Variants in ARHGEF26 observed in about 807,000 individuals in gnomAD.
The protein encoded by ARHGEF26 is Rho guanine nucleotide exchange factor (GEF) 26.
In ARHGEF26, 59 loss-of-function variants were observed where a neutral mutation model predicts 89.4. The ratio of observed to expected loss-of-function variants is 0.66; its 90% CI spans 0.54 to 0.82. ARHGEF26 has a LOEUF of 0.82. ARHGEF26 is among the 40% of genes least tolerant of loss of function. The pLI is 0.00. For synonymous variants in ARHGEF26, 500 were observed against 428.4 expected (o/e 1.17, Z -2.06); for missense variants, 1,234 against 1,085.6 (o/e 1.14, Z -1.92).
intron 4 of ARHGEF26, among the ~76,000 whole-genome samples, chr3:154,134,794 A>G (rs9857936): frequency 0.68 from 103,010 of 151,682 alleles, 35,590 homozygotes; most frequent in Non-Finnish European, 0.75. Flanking sequence ...ACATGAATCA[A>G]TGTTGAATTT....
Position 154,187,395 on chromosome 3 carries a change from T to G in ARHGEF26, c.1488-290T>G, listed in dbSNP as rs959898150. Reference sequence around the variant, plus strand: ...CAATAACTTGATTTTTTTTTTTTTTTTTTTGGTTTTGTCTTGTCTTGAACT... The same window carrying G: ...CAATAACTTGATTTTTTTTTTTTTTGTTTTGGTTTTGTCTTGTCTTGAACT... On this transcript the variant is annotated intron_variant, in intron 6 of 14. Coordinates refer to ENST00000465093, the MANE Select transcript of ARHGEF26 (RefSeq NM_015595.4). Among the ~76,000 whole-genome samples the G allele has an allele frequency of 2.8e-4, 43 of 151,014 alleles. 1 individual carries two copies. Among genetic ancestry groups the G allele is most frequent in the African/African-American group, 1.0e-3 (43 of 41,260 alleles).
At chr3:154,180,231 A>G (rs548835215) in intron 6 of ARHGEF26, among the ~76,000 whole-genome samples, 63 of 152,304 alleles carry the variant, frequency 4.1e-4, no homozygotes, top group African/African-American at 1.4e-3. Context: ...AATCACTTTT[A>G]CCATGTAAGA....
chr3:154,236,616 AG>A (rs1717142776), intron 11 of ARHGEF26, among the ~76,000 whole-genome samples: 1 of 152,158 alleles, frequency 6.6e-6, no homozygotes, highest in Non-Finnish European at 1.5e-5. Flanking sequence ...TCCCTCAGGA[AG>A]GGGGTTTCTT....
At chr3:154,150,093 T>TATAC (rs1719930250) in intron 5 of ARHGEF26, among the ~76,000 whole-genome samples, 1 of 150,968 alleles carries the variant, frequency 6.6e-6, no homozygotes. Flanking sequence ...TGTCAATGCA[T>TATAC]ATACATACAT....
Position 154,122,483 on chromosome 3 carries a change from G to A in ARHGEF26, c.491G>A (p.Gly164Glu), listed in dbSNP as rs562101344. 139 of 1,612,804 alleles carry A rather than the reference G, an allele frequency of 8.6e-5. 1 individual carries two copies. In the Middle Eastern group the frequency reaches 1.7e-3, roughly 19 times the overall value. ...TGCACCCCCGAGGAGGACCTTACTG[G>A]GTTGACTGCCAGCCCGGTGCCTTCG... ...APCTPEEDLT[G>E]LTASPVPSPT... Residue 164 changes from glycine to glutamate, a missense_variant, in exon 2 of 15, where the codon GGG (glycine) becomes GAG (glutamate). By Grantham distance (98) the Gly-to-Glu change is moderately conservative. Transcript: ENST00000465093.
rs148120787 is a variant in ARHGEF26 at position 154,255,222 on chromosome 3, G to A, written c.2474-109G>A. On this transcript the variant is annotated intron_variant, in intron 14 of 14. Transcript: ENST00000465093. ...CCCTGTCCCACTTTCTCTTCTCACC[G>A]TAGCACTTAGCCTGGGGAGGGATGC... 62 of 1,156,142 alleles carry A rather than the reference G, an allele frequency of 5.4e-5. 1 individual carries two copies. Among genetic ancestry groups the A allele is most frequent in the South Asian group, 4.1e-4 (28 of 67,650 alleles). 71.6% of individuals were successfully genotyped at this position (1,156,142 alleles called of 1,614,324 possible).
Position 154,183,977 on chromosome 3 carries a change from C to CTTTTTTTTTTTT in ARHGEF26, c.1488-3706_1488-3695dup, listed in dbSNP as rs548153454. On this transcript the variant is annotated intron_variant, in intron 6 of 14. Coordinates refer to ENST00000465093, the MANE Select transcript of ARHGEF26 (RefSeq NM_015595.4). ...GTTTCTTCTTTTTTCAATTTTCTTT[C>CTTTTTTTTTTTT]TTTTTTTTTTTTTGAGACGGAGTCT... Among the ~76,000 whole-genome samples the CTTTTTTTTTTTT allele has an allele frequency of 1.8e-3, 248 of 140,302 alleles. 1 individual carries two copies. Among genetic ancestry groups the CTTTTTTTTTTTT allele is most frequent in the South Asian group, 4.3e-3 (18 of 4,208 alleles). The allele number at this position is 140,302 out of a possible 152,430, so 92.0% of individuals were successfully genotyped here. A position where few individuals can be genotyped will look rare whatever the true frequency, so the allele number is the denominator to read the frequency against.
intron 6 of ARHGEF26, among the ~76,000 whole-genome samples, chr3:154,159,439 A>G (rs1010652345): frequency 6.6e-6 from 1 of 152,116 alleles, no homozygotes; most frequent in African/African-American, 2.4e-5. Flanking sequence ...CCCAACATAT[A>G]ATGAGCAGTG....
chr3:154,224,691 A>G (rs757676187), intron 10 of ARHGEF26, among the ~76,000 whole-genome samples: 1 of 152,066 alleles, frequency 6.6e-6, no homozygotes, highest in Non-Finnish European at 1.5e-5. Flanking sequence ...TCTGATTTCG[A>G]GATTTTGGGG....
At position 154,161,153 on chromosome 3, in the gene ARHGEF26, G is replaced by C. The variant is rs1028986083; in HGVS notation, c.1487+8221G>C. Among the ~76,000 whole-genome samples, 74 of 150,646 alleles carry C rather than the reference G, an allele frequency of 4.9e-4. 1 individual carries two copies. Among genetic ancestry groups the C allele is most frequent in the Admixed American group, 4.6e-3 (69 of 15,082 alleles). On this transcript the variant is annotated intron_variant, in intron 6 of 14. Coordinates refer to ENST00000465093, the MANE Select transcript of ARHGEF26 (RefSeq NM_015595.4). ...GTGTGTGTGTGTGTGTGTACACTTT[G>C]TCCCTTTTCTGTCAAATAGTGATTG...
At chr3:154,242,859 AAAAC>A (rs905491768) in intron 12 of ARHGEF26, among the ~76,000 whole-genome samples, 12 of 152,236 alleles carry the variant, frequency 7.9e-5, no homozygotes, top group African/African-American at 1.7e-4. Flanking sequence ...GTTTGTTTAC[AAAAC>A]AAACAAATGC....
At chr3:154,194,214 T>C (rs373101537) in intron 8 of ARHGEF26, among the ~76,000 whole-genome samples, 1 of 152,202 alleles carries the variant, frequency 6.6e-6, no homozygotes, top group South Asian at 2.1e-4. Context: ...GTAACTCTTA[T>C]TTATTGAGGG....
In ARHGEF26 at chr3:154,256,787, T is replaced by C. The variant is rs1718545501; in HGVS notation, c.*1314T>C. On this transcript the variant is annotated 3_prime_UTR_variant, in exon 15 of 15. Transcript: ENST00000465093. ...TTGACCTTAGTGGGAATTCATTCTA[T>C]TTGCACTAAAAGCCTTAACTTGCTG... The C allele has an allele frequency of 1.4e-6, 2 of 1,480,384 alleles. No homozygotes were observed. Among genetic ancestry groups the C allele is most frequent in the Non-Finnish European group, 1.8e-6 (2 of 1,123,754 alleles). 91.7% of individuals were successfully genotyped at this position (1,480,384 alleles called of 1,614,324 possible).
chr3:154,256,563 A>C lies in ARHGEF26; in HGVS notation c.*1090A>C, dbSNP rs889243151. 1.0e-5 allele frequency: 10 copies of C among 997,850 alleles called. 1 individual carries two copies. The highest frequency in any genetic ancestry group is 4.8e-5 in the South Asian group (1 of 20,992). 61.8% of individuals were successfully genotyped at this position (997,850 alleles called of 1,614,324 possible). ...TCTAATTAATTAAAAAAAAAAAAAAAAAAAAAAAAAAACCTTCCCAAATGA... is the reference window on the plus strand; with the variant it reads ...TCTAATTAATTAAAAAAAAAAAAAACAAAAAAAAAAAACCTTCCCAAATGA... On this transcript the variant is annotated 3_prime_UTR_variant, in exon 15 of 15. Transcript: ENST00000465093.
At chr3:154,242,404 C>T (rs972878332) in intron 12 of ARHGEF26, among the ~76,000 whole-genome samples, 2 of 151,160 alleles carry the variant, frequency 1.3e-5, no homozygotes, top group East Asian at 1.9e-4. Flanking sequence ...AAGACTTCAG[C>T]GGAGGAAGCA....
chr3:154,247,118 C>G (rs1446122937), intron 12 of ARHGEF26, among the ~76,000 whole-genome samples: 1 of 152,106 alleles, frequency 6.6e-6, no homozygotes, highest in African/African-American at 2.4e-5. Context: ...CATGCTAACC[C>G]TTTTTTTGAG....
intron 6 of ARHGEF26, among the ~76,000 whole-genome samples, chr3:154,162,510 ATGT>A (rs2108120209): frequency 6.6e-6 from 1 of 152,194 alleles, no homozygotes; most frequent in African/African-American, 2.4e-5. Context: ...TCCTTGAGTA[ATGT>A]TGTTTTGCTA....
intron 9 of ARHGEF26, among the ~76,000 whole-genome samples, chr3:154,201,405 G>A (rs1576770486): frequency 6.6e-6 from 1 of 152,000 alleles, no homozygotes; most frequent in African/African-American, 2.4e-5. Context: ...GTCTATCATT[G>A]TTGGACATTT....
At position 154,194,628 on chromosome 3, in the gene ARHGEF26, T is replaced by C; in HGVS notation, c.1771-16T>C. On this transcript the variant is annotated splice_polypyrimidine_tract_variant and intron_variant, in intron 8 of 14. Transcript: ENST00000465093. ...AAATAGATCAATAAATTTTGTTCACTTTTATTTCATTACAGACTATCTGTC... is the reference window on the plus strand; with the variant it reads ...AAATAGATCAATAAATTTTGTTCACCTTTATTTCATTACAGACTATCTGTC... 1 of 1,590,438 alleles carries C rather than the reference T, an allele frequency of 6.3e-7. No individual in the cohort carries two copies. The highest frequency in any genetic ancestry group is 8.6e-7 in the Non-Finnish European group (1 of 1,164,364).
Sources: allele counts gnomAD v4.1 joint callset (sites outside exome capture counted in the v4.1 genomes callset), GRCh38; gene constraint gnomAD v4.1.1; transcripts MANE v1.5; gene names NCBI Gene and HGNC (gene_info 2026-07-23, HGNC 2026-07-21).